The following DLGAP2 variants were observed in gnomAD, a reference collection of about 807,000 sequenced individuals.
DLGAP2 encodes the protein disks large-associated protein 2.
In DLGAP2, 26 loss-of-function variants were observed where a neutral mutation model predicts 100.3. That is an observed-to-expected ratio of 0.26 (90% CI 0.19 to 0.36). The LOEUF (loss-of-function observed/expected upper bound fraction) is 0.36, where lower values mean the gene tolerates loss of function less well. Among genes scored for constraint, DLGAP2 ranks in the 10% least tolerant of loss-of-function variants. The pLI is 1.00. For synonymous variants in DLGAP2, 886 were observed against 630.1 expected, an observed-to-expected ratio of 1.41 and a Z score of -6.08; for missense variants, 1,858 against 1,453.2, an observed-to-expected ratio of 1.28 and a Z score of -4.53.
At chr8:1,210,935 A>G (rs566728346) in intron 2 of DLGAP2, among the ~76,000 whole-genome samples, 3 of 110,216 alleles carry the variant, frequency 2.7e-5, no homozygotes, top group South Asian at 2.7e-4. Flanking sequence ...CCAGCAATCA[A>G]TGCCATTTTC....
chr8:1,608,977 T>C (rs1796911426), intron 6 of DLGAP2, among the ~76,000 whole-genome samples: 1 of 151,678 alleles, frequency 6.6e-6, no homozygotes. Context: ...CAGGATATTA[T>C]CCAGGAGAAC....
intron 3 of DLGAP2, among the ~76,000 whole-genome samples, chr8:1,287,739 TAGG>T (rs1799972852): frequency 1.3e-5 from 1 of 75,988 alleles, no homozygotes; most frequent in Non-Finnish European, 2.4e-5. Context: ...GTGGTTCTGT[TAGG>T]GGAACTAGTT....
At chr8:1,539,975 T>G (rs2130486831) in intron 4 of DLGAP2, among the ~76,000 whole-genome samples, 1 of 152,192 alleles carries the variant, frequency 6.6e-6, no homozygotes. Context: ...GCCTCCAGAC[T>G]CAGAAGCCCA....
intron 1 of DLGAP2, among the ~76,000 whole-genome samples, chr8:752,570 G>A (rs1166195912): frequency 6.6e-6 from 1 of 152,208 alleles, no homozygotes; most frequent in Non-Finnish European, 1.5e-5. Context: ...GAGTCAGAAG[G>A]AGGGGATGGG....
intron 2 of DLGAP2, among the ~76,000 whole-genome samples, chr8:1,146,665 G>A (rs527659778): frequency 6.6e-6 from 1 of 152,248 alleles, no homozygotes; most frequent in East Asian, 1.9e-4. Context: ...GCACGTGTGT[G>A]TGCATGTGTG....
At chr8:1,114,988 T>C (rs1805072695) in intron 2 of DLGAP2, among the ~76,000 whole-genome samples, 1 of 152,264 alleles carries the variant, frequency 6.6e-6, no homozygotes, top group South Asian at 2.1e-4. Flanking sequence ...GTAATTTCCA[T>C]GTAATTTCAT....
chr8:1,606,758 C>G (rs1010513859), intron 6 of DLGAP2, among the ~76,000 whole-genome samples: 2 of 152,202 alleles, frequency 1.3e-5, no homozygotes, highest in Non-Finnish European at 2.9e-5. Context: ...TCTCGGCTCA[C>G]TACAACCTCC....
intron 2 of DLGAP2, among the ~76,000 whole-genome samples, chr8:1,013,676 AGAC>A (rs1801370713): frequency 2.6e-5 from 2 of 76,826 alleles, no homozygotes; most frequent in Non-Finnish European, 2.2e-5. Flanking sequence ...CCACTGTGTG[AGAC>A]CAGGACAGAC....
At chr8:900,580 A>G (rs1385726125) in intron 1 of DLGAP2, among the ~76,000 whole-genome samples, 2 of 152,240 alleles carry the variant, frequency 1.3e-5, no homozygotes, top group Non-Finnish European at 2.9e-5. Flanking sequence ...GTTCCCCATC[A>G]GAATTTCCCC....
At chr8:1,278,146 G>A (rs932713668) in intron 3 of DLGAP2, among the ~76,000 whole-genome samples, 2 of 152,174 alleles carry the variant, frequency 1.3e-5, no homozygotes, top group African/African-American at 2.4e-5. Flanking sequence ...CCGTGCTCAC[G>A]GAAGTCAGCA....
intron 2 of DLGAP2, among the ~76,000 whole-genome samples, chr8:1,119,191 A>T (rs138916447): frequency 5.6e-4 from 86 of 152,350 alleles, no homozygotes; most frequent in African/African-American, 1.9e-3. Context: ...TCCTTCCCGC[A>T]CTTAAGGCAT....
At chr8:1,297,721 G>A (rs1457818347) in intron 3 of DLGAP2, among the ~76,000 whole-genome samples, 8 of 127,230 alleles carry the variant, frequency 6.3e-5, no homozygotes, top group African/African-American at 2.5e-4. Flanking sequence ...GAGGAGAAAC[G>A]TGGCAGGCGT....
At position 1,354,542 on chromosome 8, in the gene DLGAP2, C is replaced by T. The variant is rs186887998; in HGVS notation, c.106+95659C>T. 1.7e-3 allele frequency among the ~76,000 whole-genome samples: 259 copies of T among 152,176 alleles called. 1 individual carries two copies. The highest frequency in any genetic ancestry group is 1.3e-3 in the Non-Finnish European group (91 of 67,990). On this transcript the variant is annotated intron_variant, in intron 3 of 14. Coordinates refer to ENST00000637795, the MANE Select transcript of DLGAP2 (RefSeq NM_001346810.2). ...AAAAAGAAAGAACGAAAAGAAAATA[C>T]CTTGGAATGAAAGACTGTGGGGCCA...
chr8:1,141,644 C>T (rs1796524472), intron 2 of DLGAP2, among the ~76,000 whole-genome samples: 1 of 151,958 alleles, frequency 6.6e-6, no homozygotes, highest in Non-Finnish European at 1.5e-5. Context: ...TAAGTATTAG[C>T]AAAAATTTGG....
At chr8:1,487,947 G>A (rs1028955744) in intron 3 of DLGAP2, among the ~76,000 whole-genome samples, 2 of 152,134 alleles carry the variant, frequency 1.3e-5, no homozygotes, top group African/African-American at 2.4e-5. Flanking sequence ...CATCTTTCCC[G>A]GGACATTCAC....
intron 2 of DLGAP2, among the ~76,000 whole-genome samples, chr8:1,199,638 AGT>A (rs1355261788): frequency 6.6e-6 from 1 of 152,256 alleles, no homozygotes; most frequent in East Asian, 1.9e-4. Context: ...GGCGCTAGAA[AGT>A]GAATGCTGTC....
chr8:1,204,893 C>G (rs1797956929), intron 2 of DLGAP2, among the ~76,000 whole-genome samples: 1 of 152,188 alleles, frequency 6.6e-6, no homozygotes, highest in Non-Finnish European at 1.5e-5. Context: ...TGGACTTGGT[C>G]CCAGAGCTGA....
chr8:1,412,380 G>C (rs1293200329), intron 3 of DLGAP2, among the ~76,000 whole-genome samples: 1 of 152,164 alleles, frequency 6.6e-6, no homozygotes. Context: ...CAGATGTGGA[G>C]GTTCCAAAAG....
At chr8:778,812 C>G (rs1383909334) in intron 1 of DLGAP2, among the ~76,000 whole-genome samples, 3 of 152,242 alleles carry the variant, frequency 2.0e-5, no homozygotes, top group African/African-American at 7.2e-5. Flanking sequence ...GTGCCCTGCC[C>G]CCAGAAGTGG....
Sources: allele counts gnomAD v4.1 joint callset (sites outside exome capture counted in the v4.1 genomes callset), GRCh38; gene constraint gnomAD v4.1.1; transcripts MANE v1.5; gene names NCBI Gene and HGNC (gene_info 2026-07-23, HGNC 2026-07-21).